Variants in CCDC73 observed in about 807,000 individuals in gnomAD.
CCDC73 encodes coiled-coil domain containing 73, also known as coiled-coil domain-containing protein 73.
CCDC73 carries 95 observed loss-of-function variants against 116.5 expected under a neutral mutation model. The observed-to-expected ratio is 0.82, with a 90% CI of 0.69 to 0.97. The LOEUF is 0.97. Ranked by LOEUF, CCDC73 falls within the 50% of genes least tolerant of loss-of-function variation. CCDC73 has a pLI of 0.00. For missense variants in CCDC73, 1,066 were observed against 1,206.8 expected, an observed-to-expected ratio of 0.88 and a Z score of 1.73; for synonymous variants, 398 against 401.3, an observed-to-expected ratio of 0.99 and a Z score of 0.10.
Position 32,613,980 on chromosome 11 carries a change from T to G in CCDC73, c.2338A>C (p.Asn780His), listed in dbSNP as rs1308609840. 3 of 1,610,974 alleles carry G rather than the reference T, an allele frequency of 1.9e-6. No individual in the cohort carries two copies. In the Admixed American group the frequency reaches 5.0e-5, roughly 27 times the overall value. The part of the protein sequence containing the change: ...TNVNISHLHL[N>H]NENSHASQAK... Reference sequence around the variant, plus strand: ...TGTGAAGCATGACTATTCTCATTGTTAAGATGAAGATGGGAAATGTTCACA... The same window carrying G: ...TGTGAAGCATGACTATTCTCATTGTGAAGATGAAGATGGGAAATGTTCACA... The change falls in exon 16 of 18, where the codon AAC (asparagine) becomes CAC (histidine). Residue 780 changes from asparagine (N) to histidine (H), a missense_variant. Transcript: ENST00000335185.
Position 32,602,875 on chromosome 11 carries a change from T to C in CCDC73, c.3176A>G (p.Asn1059Ser). 1.9e-6 allele frequency: 3 copies of C among 1,612,000 alleles called. No individual in the cohort carries two copies. Among genetic ancestry groups the C allele is most frequent in the Non-Finnish European group, 2.5e-6 (3 of 1,179,298 alleles). ...NKSENLLSLE[N>S]DNQPKKRKAE... ...TTTTCTTTTCTTTGGCTGGTTGTCA[T>C]TTTCTAAACTTAGTAAATTTTCACT... Residue 1059 changes from asparagine to serine, a missense_variant, in exon 18 of 18, where the codon AAT (asparagine) becomes AGT (serine). Physicochemically the swap from Asn to Ser is conservative, Grantham distance 46 (BLOSUM62 1). Coordinates refer to ENST00000335185, the MANE Select transcript of CCDC73 (RefSeq NM_001008391.4).
chr11:32,628,941 T>A (rs557413721), intron 14 of CCDC73, among the ~76,000 whole-genome samples: 1 of 152,048 alleles, frequency 6.6e-6, no homozygotes, highest in East Asian at 1.9e-4. Context: ...ACGAACATAA[T>A]GAAGAGAAAA....
the CCDC73 span, among the ~76,000 whole-genome samples, chr11:32,807,660 ATTC>A: frequency 6.6e-6 from 1 of 152,056 alleles, no homozygotes; most frequent in Admixed American, 6.6e-5. Flanking sequence ...GTCCAAGATA[ATTC>A]TTCTTGTTCC....
At chr11:32,737,336 C>T (rs1850142747) in intron 2 of CCDC73, among the ~76,000 whole-genome samples, 1 of 150,076 alleles carries the variant, frequency 6.7e-6, no homozygotes, top group Non-Finnish European at 1.5e-5. Context: ...CACATCAGGG[C>T]CAGGCACAGT....
At chr11:32,616,644 TGA>T (rs1855477125) in intron 14 of CCDC73, among the ~76,000 whole-genome samples, 1 of 152,154 alleles carries the variant, frequency 6.6e-6, no homozygotes, top group Non-Finnish European at 1.5e-5. Flanking sequence ...CCATGCCAGG[TGA>T]AGCAGTATTT....
At chr11:32,636,364 C>A (rs1855678756) in intron 13 of CCDC73, among the ~76,000 whole-genome samples, 5 of 151,922 alleles carry the variant, frequency 3.3e-5, no homozygotes, top group African/African-American at 1.2e-4. Flanking sequence ...GAGTACTAAG[C>A]ACTAAGTGGT....
intron 14 of CCDC73, among the ~76,000 whole-genome samples, chr11:32,629,663 G>A (rs1381338856): frequency 6.6e-6 from 1 of 151,660 alleles, no homozygotes; most frequent in Admixed American, 6.6e-5. Context: ...CTCCCAAAGT[G>A]CTGGTACAGG....
upstream of CCDC73, among the ~76,000 whole-genome samples, chr11:32,798,917 G>C (rs1850749418): frequency 6.7e-6 from 1 of 149,630 alleles, no homozygotes. Flanking sequence ...GTTTGTTTTG[G>C]GGGGGGGCGT....
upstream of CCDC73, among the ~76,000 whole-genome samples, chr11:32,795,753 G>A (rs1237966377): frequency 2.0e-5 from 3 of 148,666 alleles, no homozygotes; most frequent in Admixed American, 2.0e-4. Context: ...GCAATGGCAC[G>A]ATCTCAGCTC....
intron 12 of CCDC73, among the ~76,000 whole-genome samples, chr11:32,642,864 ATT>A (rs767820901): frequency 6.7e-6 from 1 of 148,926 alleles, no homozygotes; most frequent in Non-Finnish European, 1.5e-5. Context: ...ACACAAAAGG[ATT>A]TTTTTTTTTA....
intron 1 of CCDC73, among the ~76,000 whole-genome samples, chr11:32,765,979 C>A (rs1039860097): frequency 6.6e-6 from 1 of 152,170 alleles, no homozygotes; most frequent in Non-Finnish European, 1.5e-5. Flanking sequence ...CATCCTGATA[C>A]CAAAGCCTGG....
chr11:32,755,799 G>A lies in CCDC73; in HGVS notation c.135+4310C>T, dbSNP rs867126075. ...TGTATATATATATATCTCCATATATGTGTATATATATATCTCCATATATAT... is the reference window on the plus strand; with the variant it reads ...TGTATATATATATATCTCCATATATATGTATATATATATCTCCATATATAT... On this transcript the variant is annotated intron_variant, in intron 2 of 17. Coordinates refer to ENST00000335185, the MANE Select transcript of CCDC73 (RefSeq NM_001008391.4). Among the ~76,000 whole-genome samples, 25 of 124,976 alleles carry A rather than the reference G, an allele frequency of 2.0e-4. 1 individual carries two copies. Among genetic ancestry groups the A allele is most frequent in the African/African-American group, 7.7e-4 (25 of 32,570 alleles). 82.0% of individuals were successfully genotyped at this position (124,976 alleles called of 152,430 possible).
chr11:32,612,225 C>G (rs1165114128), intron 16 of CCDC73, among the ~76,000 whole-genome samples: 1 of 152,042 alleles, frequency 6.6e-6, no homozygotes, highest in Non-Finnish European at 1.5e-5. Flanking sequence ...TCTAAGTGCA[C>G]AATGTTAAAC....
the CCDC73 span, among the ~76,000 whole-genome samples, chr11:32,813,714 G>T: frequency 1.3e-5 from 2 of 152,046 alleles, no homozygotes; most frequent in Non-Finnish European, 2.9e-5. Context: ...TGTATAAATT[G>T]TAAATTGTCC....
chr11:32,651,374 A>C (rs1374091861), intron 12 of CCDC73, among the ~76,000 whole-genome samples: 1 of 152,214 alleles, frequency 6.6e-6, no homozygotes, highest in Non-Finnish European at 1.5e-5. Flanking sequence ...TGTGGGGTAC[A>C]TGCACACAAC....
At chr11:32,699,204 T>G in intron 6 of CCDC73, 47 bp downstream of exon 6, 6 of 1,523,278 alleles carry the variant, frequency 3.9e-6, no homozygotes, top group Non-Finnish European at 4.4e-6. Flanking sequence ...ACTGATATAA[T>G]GCTAAAATAC....
chr11:32,720,578 C>T (rs911823740), intron 2 of CCDC73, among the ~76,000 whole-genome samples: 8 of 151,954 alleles, frequency 5.3e-5, no homozygotes, highest in African/African-American at 1.7e-4. Context: ...ATAAAACTAC[C>T]TCTATTTGCA....
chr11:32,703,458 A>G (rs1208595033), intron 3 of CCDC73, among the ~76,000 whole-genome samples: 1 of 141,636 alleles, frequency 7.1e-6, no homozygotes. Flanking sequence ...TTTTTTCATG[A>G]AAAAAAAAAA....
intron 14 of CCDC73, among the ~76,000 whole-genome samples, chr11:32,631,656 G>GAAAGGAAGGAAGGAAAGGAAGA (rs1855632373): frequency 3.3e-5 from 5 of 151,754 alleles, no homozygotes; most frequent in Non-Finnish European, 7.4e-5. Flanking sequence ...GGAAAGGAAG[G>GAAAGGAAGGAAGGAAAGGAAGA]AAAGGAAGGA....
Sources: gnomAD v4.1 joint callset for allele counts (sites outside exome capture counted in the v4.1 genomes callset) on GRCh38, gnomAD v4.1.1 for gene constraint, MANE v1.5 for transcripts, NCBI Gene and HGNC (gene_info 2026-07-23, HGNC 2026-07-21) for gene names.